The following HERC4 variants were observed in gnomAD, a reference collection of about 807,000 sequenced individuals.
HERC4 encodes HECT and RLD domain containing E3 ubiquitin protein ligase 4, also known as probable E3 ubiquitin-protein ligase HERC4.
In HERC4, 28 loss-of-function variants were observed where a neutral mutation model predicts 124.3. That is an observed-to-expected ratio of 0.23 (90% CI 0.17 to 0.31). HERC4 has a LOEUF of 0.31. Ranked by LOEUF, HERC4 falls within the 10% of genes least tolerant of loss-of-function variation. The pLI, the probability that HERC4 is intolerant of heterozygous loss-of-function variation, is 1.00. For missense variants in HERC4, 713 were observed against 1,229.3 expected (o/e 0.58, Z 6.28); for synonymous variants, 407 against 421.5 (o/e 0.97, Z 0.42).
intron 23 of HERC4, among the ~76,000 whole-genome samples, chr10:67,930,432 C>T (rs2031667667): frequency 6.6e-6 from 1 of 152,052 alleles, no homozygotes; most frequent in Admixed American, 6.6e-5. Flanking sequence ...AATTTAATAC[C>T]TGGGAGTAGG....
At chr10:67,925,282 G>A in intron 23 of HERC4, 95 bp from the exon 24 acceptor site, 1 of 614,118 alleles carries the variant, frequency 1.6e-6, no homozygotes, top group East Asian at 2.9e-5. Context: ...TGCAACTTGT[G>A]CAATTCAATG....
chr10:68,054,362 T>G (rs2040452938), intron 3 of HERC4, among the ~76,000 whole-genome samples: 1 of 151,874 alleles, frequency 6.6e-6, no homozygotes, highest in Admixed American at 6.6e-5. Flanking sequence ...TTTTTTTTTT[T>G]TTTTTCAGAC....
chr10:67,977,582 G>T (rs1044153524), intron 15 of HERC4, among the ~76,000 whole-genome samples: 2 of 152,086 alleles, frequency 1.3e-5, no homozygotes, highest in African/African-American at 4.8e-5. Flanking sequence ...TCCAACGTAG[G>T]AGGGTGAACA....
intron 7 of HERC4, among the ~76,000 whole-genome samples, chr10:68,032,480 G>C (rs1043735842): frequency 1.3e-4 from 20 of 152,012 alleles, no homozygotes; most frequent in Non-Finnish European, 2.8e-4. Context: ...GAACTAAAAC[G>C]GAATAATTTT....
chr10:67,992,494 GA>G, intron 10 of HERC4, 111 bp downstream of exon 10: 3 of 1,098,408 alleles, frequency 2.7e-6, no homozygotes, highest in South Asian at 1.5e-5. Context: ...GACTTAAGGG[GA>G]AAAAAACTAA....
intron 16 of HERC4, chr10:67,959,034 A>ACACC: frequency 8.1e-7 from 1 of 1,229,420 alleles, no homozygotes; most frequent in South Asian, 1.5e-5. Flanking sequence ...CAAAAAAACG[A>ACACC]ATCTTTGGCT....
intron 15 of HERC4, among the ~76,000 whole-genome samples, chr10:67,975,650 G>A (rs573472863): frequency 2.6e-5 from 4 of 152,136 alleles, no homozygotes; most frequent in South Asian, 2.1e-4. Flanking sequence ...ATGCTCAGCC[G>A]ACACATGCAT....
At chr10:67,954,535 A>C (rs568606281) in intron 19 of HERC4, 60 bp downstream of exon 19, 28 of 1,328,086 alleles carry the variant, frequency 2.1e-5, no homozygotes, top group Non-Finnish European at 2.7e-5. Flanking sequence ...AACTTGATAC[A>C]TACAGGTATA....
intron 17 of HERC4, chr10:67,956,504 C>G (rs2034151127): frequency 6.4e-6 from 1 of 155,498 alleles, no homozygotes; most frequent in Non-Finnish European, 1.4e-5. Context: ...TCTCTCACCT[C>G]TAGTGACTTC....
At chr10:67,977,320 C>T (rs1341459445) in intron 15 of HERC4, among the ~76,000 whole-genome samples, 1 of 152,246 alleles carries the variant, frequency 6.6e-6, no homozygotes, top group East Asian at 1.9e-4. Context: ...CAGAAGGGAA[C>T]CCACTGCCTC....
chr10:67,928,836 G>A (rs1342652250), intron 23 of HERC4, among the ~76,000 whole-genome samples: 5 of 151,974 alleles, frequency 3.3e-5, no homozygotes, highest in Admixed American at 2.0e-4. Flanking sequence ...CAGAAGAATC[G>A]CTTGAACTTG....
At chr10:68,032,100 TAAAGAA>T (rs2039238543) in intron 7 of HERC4, among the ~76,000 whole-genome samples, 1 of 152,200 alleles carries the variant, frequency 6.6e-6, no homozygotes, top group African/African-American at 2.4e-5. Flanking sequence ...CCAAAAAAGA[TAAAGAA>T]ATTTAACCAG....
intron 7 of HERC4, among the ~76,000 whole-genome samples, chr10:68,032,273 G>T (rs746208264): frequency 3.9e-5 from 6 of 152,206 alleles, no homozygotes; most frequent in Non-Finnish European, 5.9e-5. Flanking sequence ...AAGACAGTGA[G>T]AGGTCAGAGT....
chr10:68,063,767 G>A (rs372790810), intron 3 of HERC4, among the ~76,000 whole-genome samples: 23 of 145,498 alleles, frequency 1.6e-4, no homozygotes, highest in Middle Eastern at 4.3e-3. Flanking sequence ...GCAAAACCCC[G>A]TCTCTACTAA....
Position 68,033,977 on chromosome 10 carries a change from T to G in HERC4, c.673A>C (p.Asn225His), listed in dbSNP as rs1451275479. The G allele has an allele frequency of 1.9e-6, 3 of 1,613,898 alleles. No individual in the cohort carries two copies. The African/African-American group carries it at 4.0e-5, about 22-fold the overall frequency. The change falls in exon 6 of 25, where the codon AAT becomes CAT. Residue 225 changes from asparagine (N) to histidine (H), a missense_variant. Physicochemically the swap from Asn to His is moderately conservative, Grantham distance 68. Coordinates refer to ENST00000373700, the MANE Select transcript of HERC4 (RefSeq NM_015601.4). ...GRNKFGQLGLNDENDRYVPNL... is the reference protein window; with the variant it reads ...GRNKFGQLGLHDENDRYVPNL... ...AATGAGAACCTACCATTTTCATCAT[T>G]AAGACCTAGCTGACCAAACTTGTTG...
intron 13 of HERC4, 21 bp downstream of exon 13, chr10:67,990,883 C>A (rs1423435565): frequency 2.0e-6 from 3 of 1,463,908 alleles, no homozygotes; most frequent in Non-Finnish European, 2.8e-6. Context: ...ATACTGTAAA[C>A]ATAATACTTT....
At chr10:68,040,720 C>T (rs1435081553) in intron 4 of HERC4, among the ~76,000 whole-genome samples, 2 of 151,904 alleles carry the variant, frequency 1.3e-5, no homozygotes, top group African/African-American at 4.8e-5. Context: ...GAAACCCCGT[C>T]TCTACTAAAA....
At chr10:68,003,960 A>G (rs903770517) in intron 9 of HERC4, among the ~76,000 whole-genome samples, 2 of 152,118 alleles carry the variant, frequency 1.3e-5, no homozygotes, top group Non-Finnish European at 2.9e-5. Context: ...CTAATTTACA[A>G]TCCCACCAAC....
At chr10:67,992,476 A>T in intron 10 of HERC4, 130 bp downstream of exon 10, 2 of 1,155,460 alleles carry the variant, frequency 1.7e-6, no homozygotes, top group African/African-American at 3.1e-5. Flanking sequence ...GAAAAAACTT[A>T]TTCTGTAGAC....
Sources: allele counts gnomAD v4.1 joint callset (sites outside exome capture counted in the v4.1 genomes callset), GRCh38; gene constraint gnomAD v4.1.1; transcripts MANE v1.5; gene names NCBI Gene and HGNC (gene_info 2026-07-23, HGNC 2026-07-21).